RNF130: variants seen among roughly 807,000 people sequenced by gnomAD.
RNF130 encodes ring finger protein 130.
In RNF130, 21 loss-of-function variants were observed where a neutral mutation model predicts 44.6. That is an observed-to-expected ratio of 0.47 (90% CI 0.33 to 0.68). The LOEUF is 0.68. RNF130 is among the 30% of genes least tolerant of loss of function. The probability of loss-of-function intolerance (pLI) is 0.02; values close to 1 mark genes in which losing one functional copy is unlikely to be tolerated. For synonymous variants in RNF130, 214 were observed against 210.4 expected (o/e 1.02, Z -0.15); for missense variants, 479 against 560.6 (o/e 0.85, Z 1.47).
chr5:179,937,756 C>T lies in RNF130; in HGVS notation c.1151-17330G>A, dbSNP rs564439365. Reference sequence around the variant, plus strand: ...AAACAGATTCCTGCAAACCAATGTTCACAGTATTGTTCATCATGGTTAAAA... The same window carrying T: ...AAACAGATTCCTGCAAACCAATGTTTACAGTATTGTTCATCATGGTTAAAA... On this transcript the variant is annotated intron_variant, in intron 7 of 7. Transcript: ENST00000522208. Among the ~76,000 whole-genome samples, 4 of 152,226 alleles carry T rather than the reference C, an allele frequency of 2.6e-5. No individual in the cohort carries two copies. The South Asian group carries it at 8.3e-4, about 32-fold the overall frequency.
intron 1 of RNF130, 101 bp downstream of exon 1, chr5:180,071,355 G>C: frequency 8.8e-7 from 1 of 1,132,128 alleles, no homozygotes; most frequent in South Asian, 4.5e-5. Flanking sequence ...CGGCCGGGCA[G>C]CGCGGGAGAG....
At chr5:179,936,276 A>T (rs568329611) in intron 7 of RNF130, among the ~76,000 whole-genome samples, 93 of 152,132 alleles carry the variant, frequency 6.1e-4, no homozygotes, top group East Asian at 1.9e-3. Context: ...ATTAAAAAAA[A>T]TTTTTTGTAG....
intron 7 of RNF130, among the ~76,000 whole-genome samples, chr5:179,937,717 G>A (rs1383766697): frequency 1.3e-5 from 2 of 152,078 alleles, no homozygotes; most frequent in African/African-American, 2.4e-5. Context: ...CCAAAGAATT[G>A]AAAACAAGGA....
At chr5:179,973,858 A>G (rs1762644456) in intron 5 of RNF130, among the ~76,000 whole-genome samples, 1 of 152,214 alleles carries the variant, frequency 6.6e-6, no homozygotes, top group Admixed American at 6.5e-5. Flanking sequence ...TGAAAAGCAC[A>G]AGCATACTGA....
chr5:180,044,637 G>A (rs1176829534), intron 1 of RNF130, among the ~76,000 whole-genome samples: 1 of 152,064 alleles, frequency 6.6e-6, no homozygotes, highest in Admixed American at 6.6e-5. Context: ...TTCGAGACCA[G>A]CCTGACCAAC....
At chr5:180,015,347 A>C in intron 2 of RNF130, 1 of 533,952 alleles carries the variant, frequency 1.9e-6, no homozygotes, top group Non-Finnish European at 3.9e-6. Context: ...CGGATCCCAC[A>C]AACGACATAT....
At chr5:179,985,450 G>A (rs1244671838) in intron 3 of RNF130, among the ~76,000 whole-genome samples, 2 of 152,020 alleles carry the variant, frequency 1.3e-5, no homozygotes, top group African/African-American at 4.8e-5. Flanking sequence ...TGCTCTAGAG[G>A]TTGAATTAGA....
At chr5:179,984,268 G>A (rs527356096) in intron 3 of RNF130, among the ~76,000 whole-genome samples, 14 of 151,976 alleles carry the variant, frequency 9.2e-5, no homozygotes, top group Non-Finnish European at 1.8e-4. Flanking sequence ...TGTCTTTTAC[G>A]TCTTTTCCTT....
At chr5:180,001,501 T>C (rs571030645) in intron 3 of RNF130, among the ~76,000 whole-genome samples, 1 of 152,296 alleles carries the variant, frequency 6.6e-6, no homozygotes. Context: ...TTTGTAGCTG[T>C]GATTCTATCC....
At chr5:179,927,513 C>A (rs1761722031) in intron 7 of RNF130, among the ~76,000 whole-genome samples, 1 of 152,042 alleles carries the variant, frequency 6.6e-6, no homozygotes, top group Non-Finnish European at 1.5e-5. Context: ...CAGTGACCGC[C>A]CAATCACTAT....
At chr5:179,965,562 C>A (rs1430692148) in intron 7 of RNF130, among the ~76,000 whole-genome samples, 1 of 152,106 alleles carries the variant, frequency 6.6e-6, no homozygotes, top group Non-Finnish European at 1.5e-5. Flanking sequence ...CAATGAAGGA[C>A]CTGAAAAACT....
In RNF130 at chr5:179,980,521, T is replaced by A. The variant is rs976941198; in HGVS notation, c.694-321A>T. On this transcript the variant is annotated intron_variant, in intron 3 of 8. Coordinates refer to ENST00000521389, the MANE Select transcript of RNF130 (RefSeq NM_018434.6). ...ATAAACATTTGAAACATCACAGCAC[T>A]ATCAAACCTACTTCTTGCACACTCC... 1.4e-5 allele frequency: 4 copies of A among 294,940 alleles called. No homozygotes were observed. In the East Asian group the frequency reaches 2.4e-4, roughly 17 times the overall value. The allele number at this position is 294,940 out of a possible 1,614,324, so 18.3% of individuals were successfully genotyped here. A position where few individuals can be genotyped will look rare whatever the true frequency, so the allele number is the denominator to read the frequency against.
chr5:179,983,838 T>C (rs946273481), intron 3 of RNF130, among the ~76,000 whole-genome samples: 19 of 152,220 alleles, frequency 1.2e-4, no homozygotes, highest in African/African-American at 4.3e-4. Context: ...TTTCACTACA[T>C]AGGGCATATT....
chr5:179,921,207 C>T (rs1456533510), intron 7 of RNF130, among the ~76,000 whole-genome samples: 2 of 152,160 alleles, frequency 1.3e-5, no homozygotes, highest in Non-Finnish European at 2.9e-5. Flanking sequence ...GACACCGACA[C>T]CACCATCAAG....
At chr5:180,020,456 C>T (rs116647742) in intron 2 of RNF130, among the ~76,000 whole-genome samples, 1,921 of 152,284 alleles carry the variant, frequency 0.013, 20 homozygotes, top group Admixed American at 0.019. Flanking sequence ...CAAAGACCAA[C>T]CTGTAATTTT....
At chr5:179,918,971 G>C (rs895606457) in exon 8 of RNF130, 15 of 152,250 alleles carry the variant, frequency 9.9e-5, no homozygotes, top group Admixed American at 9.8e-4. Context: ...AGTGAGAACA[G>C]GGCAGGGGAT....
At chr5:179,945,525 G>A (rs1762023816) in intron 7 of RNF130, among the ~76,000 whole-genome samples, 1 of 152,172 alleles carries the variant, frequency 6.6e-6, no homozygotes, top group Non-Finnish European at 1.5e-5. Flanking sequence ...ACAGTGCTAC[G>A]TTGCTGTTAC....
intron 1 of RNF130, among the ~76,000 whole-genome samples, chr5:180,052,359 T>A (rs1764706327): frequency 6.6e-6 from 1 of 152,198 alleles, no homozygotes; most frequent in South Asian, 2.1e-4. Context: ...CAGCATCATC[T>A]ACTGAAACAC....
intron 1 of RNF130, among the ~76,000 whole-genome samples, chr5:180,055,877 A>C (rs769491185): frequency 2.0e-5 from 3 of 152,132 alleles, no homozygotes; most frequent in African/African-American, 4.8e-5. Flanking sequence ...TGAGGTCAGG[A>C]GTTCAAGACC....
Sources: allele counts gnomAD v4.1 joint callset (sites outside exome capture counted in the v4.1 genomes callset), GRCh38; gene constraint gnomAD v4.1.1; transcripts MANE v1.5; gene names NCBI Gene and HGNC (gene_info 2026-07-23, HGNC 2026-07-21).